The following ADARB2 variants were observed in gnomAD, a reference collection of about 807,000 sequenced individuals.
ADARB2 encodes the protein adenosine deaminase RNA specific B2 (inactive).
ADARB2 carries 25 observed loss-of-function variants against 62.2 expected under a neutral mutation model. The observed-to-expected ratio is 0.40, with a 90% CI of 0.29 to 0.56. The LOEUF is 0.56. Among genes scored for constraint, ADARB2 ranks in the 20% least tolerant of loss-of-function variants. The pLI is 0.43. For synonymous variants in ADARB2, 572 were observed against 500.8 expected (o/e 1.14, Z -1.90); for missense variants, 1,071 against 1,077.4 (o/e 0.99, Z 0.08).
At chr10:1,353,758 A>G (rs1043000209) in intron 3 of ADARB2, among the ~76,000 whole-genome samples, 4 of 152,148 alleles carry the variant, frequency 2.6e-5, no homozygotes, top group Admixed American at 6.5e-5. Flanking sequence ...CACACATCAC[A>G]GAAACAATTA....
chr10:1,579,061 C>T (rs766996778), intron 1 of ADARB2, among the ~76,000 whole-genome samples: 7 of 152,110 alleles, frequency 4.6e-5, no homozygotes, highest in Non-Finnish European at 1.0e-4. Context: ...GGTGGGAGAG[C>T]CCCAGGTGCC....
chr10:1,724,896 G>A (rs960241867), intron 1 of ADARB2, among the ~76,000 whole-genome samples: 1 of 152,224 alleles, frequency 6.6e-6, no homozygotes, highest in Non-Finnish European at 1.5e-5. Flanking sequence ...CGCCAACGCT[G>A]TAAAATGAAG....
intron 1 of ADARB2, among the ~76,000 whole-genome samples, chr10:1,633,700 TG>T (rs1182610020): frequency 6.6e-6 from 1 of 152,144 alleles, no homozygotes; most frequent in Non-Finnish European, 1.5e-5. Context: ...TATCTTATAT[TG>T]AATAATGCTG....
intron 1 of ADARB2, among the ~76,000 whole-genome samples, chr10:1,585,029 G>A (rs904655355): frequency 2.6e-5 from 4 of 151,882 alleles, no homozygotes; most frequent in Admixed American, 2.6e-4. Flanking sequence ...TGTAATGGTG[G>A]ATACATGCCA....
At chr10:1,282,925 T>C (rs1329003274) in intron 3 of ADARB2, among the ~76,000 whole-genome samples, 1 of 152,212 alleles carries the variant, frequency 6.6e-6, no homozygotes, top group Non-Finnish European at 1.5e-5. Flanking sequence ...TTGTGTATTA[T>C]GACCAATCCG....
intron 1 of ADARB2, among the ~76,000 whole-genome samples, chr10:1,507,808 G>A (rs1831871336): frequency 6.6e-6 from 1 of 152,192 alleles, no homozygotes; most frequent in Admixed American, 6.5e-5. Flanking sequence ...TACACGGGGA[G>A]AACTGGAGGA....
chr10:1,380,063 C>T (rs530881092), intron 1 of ADARB2, among the ~76,000 whole-genome samples: 3 of 152,164 alleles, frequency 2.0e-5, no homozygotes, highest in South Asian at 2.1e-4. Context: ...ATGAAGCCAC[C>T]GCACTTGGGA....
intron 6 of ADARB2, among the ~76,000 whole-genome samples, chr10:1,226,706 C>T (rs927748758): frequency 5.3e-5 from 8 of 152,232 alleles, no homozygotes; most frequent in African/African-American, 1.2e-4. Flanking sequence ...GTATCTGCAG[C>T]GGTGGCTGTA....
chr10:1,695,833 CAT>C (rs1407577853), intron 1 of ADARB2, among the ~76,000 whole-genome samples: 2 of 149,490 alleles, frequency 1.3e-5, no homozygotes, highest in Non-Finnish European at 3.0e-5. Flanking sequence ...AGAGTGCATG[CAT>C]GTGTGTGTAC....
rs11250666 is a variant in ADARB2 at position 1,614,652 on chromosome 10, C to T, written c.100+122399G>A. ...TTTGGCTGGGCATGGTGGCTTACGC[C>T]TGTCATCCCAGCACTTTGGGAGGCC... On this transcript the variant is annotated intron_variant, in intron 1 of 9. Transcript: ENST00000381312. 1.5e-3 allele frequency among the ~76,000 whole-genome samples: 235 copies of T among 152,352 alleles called. No individual in the cohort carries two copies. In the East Asian group the frequency reaches 0.035, roughly 23 times the overall value.
intron 1 of ADARB2, among the ~76,000 whole-genome samples, chr10:1,381,757 A>T (rs1443800067): frequency 6.6e-6 from 1 of 152,232 alleles, no homozygotes; most frequent in Non-Finnish European, 1.5e-5. Flanking sequence ...ATACTAGTGC[A>T]TGGTCTCACT....
At chr10:1,345,072 G>A (rs1476146804) in intron 3 of ADARB2, among the ~76,000 whole-genome samples, 3 of 151,520 alleles carry the variant, frequency 2.0e-5, no homozygotes, top group Admixed American at 6.6e-5. Context: ...AGGAGGGCAC[G>A]TGGAGGGAAC....
At chr10:1,680,117 A>G (rs1400637979) in intron 1 of ADARB2, among the ~76,000 whole-genome samples, 1 of 151,912 alleles carries the variant, frequency 6.6e-6, no homozygotes, top group African/African-American at 2.4e-5. Context: ...CGCCACTCAT[A>G]CAAACTGCCC....
intron 3 of ADARB2, among the ~76,000 whole-genome samples, chr10:1,311,718 T>C (rs1233300739): frequency 6.6e-6 from 1 of 152,182 alleles, no homozygotes; most frequent in African/African-American, 2.4e-5. Flanking sequence ...CCTTGCTTCT[T>C]CTGTCTCCCA....
chr10:1,240,427 G>T (rs1022342248), intron 5 of ADARB2: 2 of 152,282 alleles, frequency 1.3e-5, no homozygotes, highest in Admixed American at 6.6e-5. Flanking sequence ...TGCCCCATGG[G>T]TGATGGATTG....
chr10:1,242,570 C>A (rs1420551845), intron 4 of ADARB2, among the ~76,000 whole-genome samples: 1 of 152,202 alleles, frequency 6.6e-6, no homozygotes, highest in Non-Finnish European at 1.5e-5. Context: ...TCCTTAGGCA[C>A]CATAGGAGCA....
chr10:1,587,289 G>A (rs72764991), intron 1 of ADARB2, among the ~76,000 whole-genome samples: 39,342 of 152,118 alleles, frequency 0.26, 5,568 homozygotes, highest in Non-Finnish European at 0.33. Flanking sequence ...GGTTCTGGGC[G>A]TCCGGGGGCC....
At chr10:1,708,329 A>G (rs1834915736) in intron 1 of ADARB2, among the ~76,000 whole-genome samples, 2 of 152,304 alleles carry the variant, frequency 1.3e-5, no homozygotes, top group East Asian at 1.9e-4. Context: ...CTGCAGTTTA[A>G]CCAGGGCAGA....
At chr10:1,199,171 G>A (rs1032284464) in intron 8 of ADARB2, among the ~76,000 whole-genome samples, 11 of 152,156 alleles carry the variant, frequency 7.2e-5, no homozygotes, top group African/African-American at 2.4e-4. Flanking sequence ...AAGACCTGGT[G>A]TTCTGCAGGC....
Sources: allele counts gnomAD v4.1 joint callset (sites outside exome capture counted in the v4.1 genomes callset), GRCh38; gene constraint gnomAD v4.1.1; transcripts MANE v1.5; gene names NCBI Gene and HGNC (gene_info 2026-07-23, HGNC 2026-07-21).